The following TAX1BP1 variants were observed in gnomAD, a reference collection of about 807,000 sequenced individuals.
The protein encoded by TAX1BP1 is Tax1 binding protein 1, also known as tax1-binding protein 1.
TAX1BP1 carries 62 observed loss-of-function variants against 97.7 expected under a neutral mutation model. The ratio of observed to expected loss-of-function variants is 0.63; its 90% confidence interval spans 0.52 to 0.78. The LOEUF is 0.78. Ranked by LOEUF, TAX1BP1 falls within the 30% of genes least tolerant of loss-of-function variation. TAX1BP1 has a pLI of 0.00. For missense variants in TAX1BP1, 867 were observed against 916.1 expected, an observed-to-expected ratio of 0.95 and a Z score of 0.69; for synonymous variants, 340 against 304.2, an observed-to-expected ratio of 1.12 and a Z score of -1.23.
intron 13 of TAX1BP1, among the ~76,000 whole-genome samples, chr7:27,808,348 T>G (rs1393406633): frequency 3.3e-5 from 5 of 152,220 alleles, no homozygotes; most frequent in Non-Finnish European, 5.9e-5. Context: ...CTTTTCTAAT[T>G]AGACTAGGAA....
At chr7:27,813,244 C>G (rs185113145) in intron 13 of TAX1BP1, among the ~76,000 whole-genome samples, 1 of 150,570 alleles carries the variant, frequency 6.6e-6, no homozygotes, top group African/African-American at 2.4e-5. Flanking sequence ...GCCTTGACCT[C>G]GACCTCTTGG....
intron 2 of TAX1BP1, among the ~76,000 whole-genome samples, chr7:27,750,476 A>G (rs1184390163): frequency 6.6e-6 from 1 of 152,220 alleles, no homozygotes; most frequent in African/African-American, 2.4e-5. Context: ...CTGTATAAGC[A>G]GAGGCTTAGA....
At chr7:27,777,667 T>C (rs1789082664) in intron 5 of TAX1BP1, among the ~76,000 whole-genome samples, 1 of 152,206 alleles carries the variant, frequency 6.6e-6, no homozygotes, top group East Asian at 1.9e-4. Context: ...TCTGGTACTC[T>C]CTCCTGAAAC....
intron 2 of TAX1BP1, among the ~76,000 whole-genome samples, chr7:27,752,859 A>G (rs1345580513): frequency 1.3e-5 from 2 of 152,236 alleles, no homozygotes; most frequent in African/African-American, 4.8e-5. Flanking sequence ...ACCTTATGTA[A>G]ATTGGCATTC....
chr7:27,827,713 A>G, intron 15 of TAX1BP1, 25 bp from the exon 16 acceptor site: 1 of 1,599,004 alleles, frequency 6.3e-7, no homozygotes, highest in South Asian at 1.1e-5. Flanking sequence ...TTTTCTTAAA[A>G]GTTCCAAAAT....
intron 13 of TAX1BP1, among the ~76,000 whole-genome samples, chr7:27,805,329 C>G (rs1317743368): frequency 1.3e-5 from 2 of 152,070 alleles, no homozygotes; most frequent in African/African-American, 4.8e-5. Context: ...GTTTGTTTTA[C>G]TTATCTTGTT....
At chr7:27,799,574 C>T (rs1209881236) in intron 12 of TAX1BP1, among the ~76,000 whole-genome samples, 1 of 152,082 alleles carries the variant, frequency 6.6e-6, no homozygotes, top group Non-Finnish European at 1.5e-5. Context: ...TCATTCTGAT[C>T]CCCTGAGATA....
intron 5 of TAX1BP1, among the ~76,000 whole-genome samples, chr7:27,783,796 A>C (rs1178436550): frequency 2.0e-5 from 3 of 152,118 alleles, no homozygotes; most frequent in Non-Finnish European, 1.5e-5. Flanking sequence ...TTATTTAGAA[A>C]CCTCTCTGGC....
At chr7:27,782,787 C>T (rs982319930) in intron 5 of TAX1BP1, among the ~76,000 whole-genome samples, 14 of 152,050 alleles carry the variant, frequency 9.2e-5, no homozygotes, top group East Asian at 7.7e-4. Context: ...CTAAATTTTA[C>T]TCTGTGTATG....
At chr7:27,754,647 G>A (rs1006015101) in intron 2 of TAX1BP1, among the ~76,000 whole-genome samples, 4 of 151,750 alleles carry the variant, frequency 2.6e-5, no homozygotes, top group East Asian at 3.9e-4. Context: ...ATCTTGGCTC[G>A]CTGCAACCTC....
chr7:27,748,755 G>A (rs1377967210), intron 2 of TAX1BP1, 69 bp downstream of exon 2: 1 of 1,265,830 alleles, frequency 7.9e-7, no homozygotes, highest in African/African-American at 1.5e-5. Flanking sequence ...AGATTGATAA[G>A]TAGCTTTTAC....
intron 2 of TAX1BP1, among the ~76,000 whole-genome samples, chr7:27,751,149 AT>A (rs1788004644): frequency 6.6e-6 from 1 of 152,028 alleles, no homozygotes. Flanking sequence ...TACTTCTTTC[AT>A]TGTGCACTTT....
chr7:27,774,254 T>G (rs1236371912), intron 5 of TAX1BP1, among the ~76,000 whole-genome samples: 1 of 152,118 alleles, frequency 6.6e-6, no homozygotes, highest in Non-Finnish European at 1.5e-5. Flanking sequence ...TTTGTGTTGT[T>G]GTAGAGTGAC....
At position 27,758,397 on chromosome 7, in the gene TAX1BP1, T is replaced by C. The variant is rs181716566; in HGVS notation, c.265+264T>C. 665 of 191,598 alleles carry C rather than the reference T, an allele frequency of 3.5e-3. 2 individuals are homozygous for C. Among genetic ancestry groups the C allele is most frequent in the Admixed American group, 9.0e-3 (149 of 16,592 alleles). The allele number at this position is 191,598 out of a possible 1,614,324, so 11.9% of individuals were successfully genotyped here. A position where few individuals can be genotyped will look rare whatever the true frequency, so the allele number is the denominator to read the frequency against. ...CTTTTTAGGTACTAATTTTTGGAGA[T>C]TTTTTTTTTTCAAGTGAGAAAACAA... On this transcript the variant is annotated intron_variant, in intron 3 of 16. Transcript: ENST00000396319.
chr7:27,748,415 A>T (rs986076302), intron 1 of TAX1BP1, 103 bp from the exon 2 acceptor site: 2 of 749,810 alleles, frequency 2.7e-6, no homozygotes, highest in Admixed American at 4.1e-5. Context: ...TAATTATGAC[A>T]TGCAAATATT....
At chr7:27,807,075 T>C (rs1021893968) in intron 13 of TAX1BP1, among the ~76,000 whole-genome samples, 2 of 152,200 alleles carry the variant, frequency 1.3e-5, no homozygotes, top group African/African-American at 4.8e-5. Context: ...TATGGGGCTC[T>C]TGAACTTTTT....
At chr7:27,813,145 CTTT>C (rs57301512) in intron 13 of TAX1BP1, among the ~76,000 whole-genome samples, 1 of 108,914 alleles carries the variant, frequency 9.2e-6, no homozygotes, top group Non-Finnish European at 1.8e-5. Flanking sequence ...CTTTGTTCTG[CTTT>C]TTTTTTTTTT....
chr7:27,758,748 G>A (rs1277768402), intron 3 of TAX1BP1, among the ~76,000 whole-genome samples: 1 of 152,100 alleles, frequency 6.6e-6, no homozygotes, highest in Non-Finnish European at 1.5e-5. Flanking sequence ...GAGGTACTTA[G>A]AGTAGGGATA....
rs933507602 is a variant in TAX1BP1, at chr7:27,829,488, A to G, written c.*659A>G. The G allele has an allele frequency of 2.0e-5, 3 of 152,210 alleles. No homozygotes were observed. Among genetic ancestry groups the G allele is most frequent in the African/African-American group, 4.8e-5 (2 of 41,462 alleles). 9.4% of individuals were successfully genotyped at this position (152,210 alleles called of 1,614,324 possible). On this transcript the variant is annotated 3_prime_UTR_variant, in exon 17 of 17. Transcript: ENST00000396319. ...TAAACTATCTTGAAGTTGTATGTAT[A>G]TATCTAATGGGAAAATGGAACAAGA...
Sources: gnomAD v4.1 joint callset for allele counts (sites outside exome capture counted in the v4.1 genomes callset) on GRCh38, gnomAD v4.1.1 for gene constraint, MANE v1.5 for transcripts, NCBI Gene and HGNC (gene_info 2026-07-23, HGNC 2026-07-21) for gene names.